The following ADAM17 variants were observed in gnomAD, a reference collection of about 807,000 sequenced individuals.
ADAM17 encodes the protein ADAM metallopeptidase domain 17, also known as disintegrin and metalloproteinase domain-containing protein 17.
A neutral mutation model predicts 96.7 loss-of-function variants in ADAM17; 39 were observed. That is an observed-to-expected ratio of 0.40 (90% CI 0.31 to 0.53). The LOEUF (loss-of-function observed/expected upper bound fraction) is 0.53, where lower values mean the gene tolerates loss of function less well. ADAM17 is among the 20% of genes least tolerant of loss of function. The probability of loss-of-function intolerance (pLI) is 0.44; values close to 1 mark genes in which losing one functional copy is unlikely to be tolerated. For missense variants in ADAM17, 777 were observed against 1,013.2 expected (o/e 0.77, Z 3.17); for synonymous variants, 344 against 359.2 (o/e 0.96, Z 0.48).
intron 12 of ADAM17, among the ~76,000 whole-genome samples, chr2:9,502,485 C>A (rs184164350): frequency 6.6e-6 from 1 of 152,092 alleles, no homozygotes; most frequent in South Asian, 2.1e-4. Flanking sequence ...CACATAAATG[C>A]CACACTATAG....
Position 9,555,711 on chromosome 2 carries a change from C to T in ADAM17, c.-106G>A. On this transcript the variant is annotated 5_prime_UTR_variant, in exon 1 of 19. Transcript: ENST00000310823. ...AGGACGGGATCCGCCCGGCCTAGCC[C>T]CTCAATCCTCTTTTCCCTCCCGCGC... is the stretch of plus-strand genomic sequence containing the variant. 1 of 954,804 alleles carries T rather than the reference C, an allele frequency of 1.0e-6. No homozygotes were observed. Among genetic ancestry groups the T allele is most frequent in the East Asian group, 3.0e-5 (1 of 33,492 alleles). The allele number at this position is 954,804 out of a possible 1,614,324, so 59.1% of individuals were successfully genotyped here.
chr2:9,551,039 C>T (rs186469823), intron 1 of ADAM17, among the ~76,000 whole-genome samples: 7 of 150,968 alleles, frequency 4.6e-5, no homozygotes, highest in African/African-American at 1.7e-4. Flanking sequence ...TGCGCCACTG[C>T]GCTCCAGCCT....
At position 9,543,461 on chromosome 2, in the gene ADAM17, G is replaced by A. The variant is rs1388019953; in HGVS notation, c.98-176C>T. On this transcript the variant is annotated intron_variant, in intron 1 of 18. Coordinates refer to ENST00000310823, the MANE Select transcript of ADAM17 (RefSeq NM_003183.6). The stretch of plus-strand genomic sequence containing the variant: ...ACTCCACTGCCTCTTCCAAAATCAG[G>A]ATTTTTAGAAGACAAATTGGGTGAC... Among the ~76,000 whole-genome samples the A allele has an allele frequency of 3.9e-5, 6 of 152,220 alleles. No homozygotes were observed. In the South Asian group the frequency reaches 1.2e-3, roughly 32 times the overall value.
intron 7 of ADAM17, 115 bp downstream of exon 7, chr2:9,523,134 T>G: frequency 1.4e-6 from 1 of 707,270 alleles, no homozygotes; most frequent in Non-Finnish European, 2.3e-6. Context: ...CATTGGCATC[T>G]GAGAAAACTT....
intron 1 of ADAM17, among the ~76,000 whole-genome samples, chr2:9,554,324 A>G (rs1299150699): frequency 6.6e-6 from 1 of 152,166 alleles, no homozygotes; most frequent in Non-Finnish European, 1.5e-5. Context: ...CATCCTAACC[A>G]CAATCCTACC....
chr2:9,493,947 T>C (rs1367142606), intron 15 of ADAM17, 122 bp from the exon 16 acceptor site: 3 of 740,592 alleles, frequency 4.1e-6, no homozygotes, highest in Non-Finnish European at 4.3e-6. Flanking sequence ...TTTCCCATCT[T>C]TGACACAAGG....
chr2:9,518,897 G>C (rs150758904), intron 8 of ADAM17, among the ~76,000 whole-genome samples: 1 of 28,080 alleles, frequency 3.6e-5, no homozygotes, highest in African/African-American at 1.0e-4. Context: ...ACCTTAATTT[G>C]GGGGGGGGGT....
At chr2:9,517,084 T>C (rs1007816210) in intron 10 of ADAM17, among the ~76,000 whole-genome samples, 2 of 152,196 alleles carry the variant, frequency 1.3e-5, no homozygotes, top group African/African-American at 2.4e-5. Flanking sequence ...GTGACATCCA[T>C]GAGGACAAAG....
chr2:9,499,462 C>T (rs1662866317), intron 13 of ADAM17, among the ~76,000 whole-genome samples: 2 of 151,772 alleles, frequency 1.3e-5, no homozygotes, highest in African/African-American at 4.8e-5. Flanking sequence ...AGTGCAGTGG[C>T]GTGATCTCGG....
chr2:9,497,168 T>C lies in ADAM17; in HGVS notation c.1729A>G (p.Lys577Glu), dbSNP rs759653644. ...TCCCTCTCGCAGAAAGGGATGCATT[T>C]CCCATCCTTACACTTGCCAAGATCC... ...CLDLGKCKDG[K>E]CIPFCEREQQ... The change falls in exon 14 of 19, where the codon AAA becomes GAA. Residue 577 changes from lysine to glutamate, a missense_variant. By Grantham distance (56) the Lys-to-Glu change is moderately conservative. This residue lies in a region of ADAM17 where 446 missense variants were observed against 664.7 expected (regional missense o/e 0.67). Coordinates refer to ENST00000310823, the MANE Select transcript of ADAM17 (RefSeq NM_003183.6). 6 of 1,614,096 alleles carry C rather than the reference T, an allele frequency of 3.7e-6. No individual in the cohort carries two copies. In the Admixed American group the frequency reaches 1.0e-4, roughly 27 times the overall value.
intron 1 of ADAM17, among the ~76,000 whole-genome samples, chr2:9,549,445 G>C (rs1055283290): frequency 6.6e-6 from 1 of 152,084 alleles, no homozygotes; most frequent in Admixed American, 6.5e-5. Flanking sequence ...TAAGTATAGT[G>C]GTATGTATAT....
intron 1 of ADAM17, among the ~76,000 whole-genome samples, chr2:9,548,620 T>C (rs920650509): frequency 6.6e-6 from 1 of 152,238 alleles, no homozygotes; most frequent in African/African-American, 2.4e-5. Flanking sequence ...AGTTTCATAT[T>C]CTATTTTGTT....
chr2:9,535,846 T>C lies in ADAM17; in HGVS notation c.438A>G (p.Glu146=), dbSNP rs780843854. Residue 146 remains glutamate (E), a synonymous_variant, in exon 4 of 19, where the codon GAA becomes GAG. Transcript: ENST00000310823. ...VIIRINTDGA[E]YNIEPLWRFV... is the part of the protein sequence containing the mutation. ...CATATAAATTTACCTCTATGTTATA[T>C]TCGGCCCCATCTGTGTTGATTCTGA... The C allele has an allele frequency of 3.8e-6, 6 of 1,598,370 alleles. No homozygotes were observed. Among genetic ancestry groups the C allele is most frequent in the Admixed American group, 3.4e-5 (2 of 58,702 alleles).
Position 9,512,941 on chromosome 2 carries a change from C to T in ADAM17, c.1192-2810G>A, listed in dbSNP as rs566402315. The stretch of plus-strand genomic sequence containing the variant: ...CCATGGGGACAGAAGCTCCTGTACT[C>T]GGGACCCTTCCAGACCTCGCCCTAT... On this transcript the variant is annotated intron_variant, in intron 10 of 18. Coordinates refer to ENST00000310823, the MANE Select transcript of ADAM17 (RefSeq NM_003183.6). Among the ~76,000 whole-genome samples the T allele has an allele frequency of 4.5e-4, 68 of 152,238 alleles. No individual in the cohort carries two copies. The South Asian group carries it at 0.014, about 31-fold the overall frequency.
rs1013666207 is a variant in ADAM17 at position 9,542,978 on chromosome 2, G to A, written c.230+175C>T. Among the ~76,000 whole-genome samples the A allele has an allele frequency of 6.6e-5, 10 of 152,302 alleles. No individual in the cohort carries two copies. The East Asian group carries it at 1.2e-3, about 18-fold the overall frequency. On this transcript the variant is annotated intron_variant, in intron 2 of 18. Transcript: ENST00000310823. Reference sequence around the variant, plus strand: ...CCCCCAAAGTGCTCGGATTATAGGCGTGAGCCACTGCACCCAGCCCCAGTA... The same window carrying A: ...CCCCCAAAGTGCTCGGATTATAGGCATGAGCCACTGCACCCAGCCCCAGTA...
intron 1 of ADAM17, among the ~76,000 whole-genome samples, chr2:9,555,190 A>C (rs1213447188): frequency 6.6e-6 from 1 of 152,040 alleles, no homozygotes; most frequent in African/African-American, 2.4e-5. Context: ...CTCCCTCTCC[A>C]AACAAGATCC....
intron 1 of ADAM17, among the ~76,000 whole-genome samples, chr2:9,550,065 G>A (rs951233406): frequency 2.6e-5 from 4 of 152,136 alleles, no homozygotes; most frequent in Non-Finnish European, 4.4e-5. Flanking sequence ...TGAAGACACA[G>A]GAGCCTTCCT....
intron 2 of ADAM17, among the ~76,000 whole-genome samples, chr2:9,542,883 G>A (rs531445446): frequency 1.3e-5 from 2 of 151,982 alleles, no homozygotes; most frequent in Non-Finnish European, 2.9e-5. Flanking sequence ...TAGTAGAGAC[G>A]GGGTTTTGCC....
Position 9,535,039 on chromosome 2 carries a change from T to A in ADAM17, c.450+795A>T, listed in dbSNP as rs183966181. On this transcript the variant is annotated intron_variant, in intron 4 of 18. Coordinates refer to ENST00000310823, the MANE Select transcript of ADAM17 (RefSeq NM_003183.6). ...CATACTGCAAGGCCATAGGTTTCTT[T>A]TTCACAATAATGGACAGTCAAAGGA... 2.2e-3 allele frequency among the ~76,000 whole-genome samples: 337 copies of A among 152,322 alleles called. 2 individuals are homozygous for A. The highest frequency in any genetic ancestry group is 7.5e-3 in the African/African-American group (312 of 41,572).
Sources: allele counts gnomAD v4.1 joint callset (sites outside exome capture counted in the v4.1 genomes callset), GRCh38; gene constraint gnomAD v4.1.1; regional missense constraint gnomAD v4.1.1; transcripts MANE v1.5; gene names NCBI Gene and HGNC (gene_info 2026-07-23, HGNC 2026-07-21).